CRAT: variants seen among roughly 807,000 people sequenced by gnomAD.
CRAT encodes carnitine O-acetyltransferase.
CRAT carries 66 observed loss-of-function variants against 73.7 expected under a neutral mutation model. The observed-to-expected ratio is 0.90, with a 90% CI of 0.73 to 1.10. CRAT has a LOEUF of 1.10. CRAT is among the 50% of genes least tolerant of loss of function. CRAT has a pLI of 0.00. For missense variants in CRAT, 745 were observed against 846.9 expected (o/e 0.88, Z 1.49); for synonymous variants, 321 against 343.2 (o/e 0.94, Z 0.71).
chr9:129,098,236 C>T lies in CRAT; in HGVS notation c.1328+13G>A, dbSNP rs1847416030. The T allele has an allele frequency of 1.2e-6, 2 of 1,613,512 alleles. No individual in the cohort carries two copies. The highest frequency in any genetic ancestry group is 2.7e-5 in the African/African-American group (2 of 75,068). ...TCTCCTCCCTCCTCCATGGGTGGGC[C>T]ACAGAGGCGCACCTGTAGTAGGCCA... On this transcript the variant is annotated intron_variant, in intron 10 of 13. Transcript: ENST00000318080.
chr9:129,096,720 G>C (rs1198685398), intron 12 of CRAT, among the ~76,000 whole-genome samples: 1 of 152,204 alleles, frequency 6.6e-6, no homozygotes, highest in Non-Finnish European at 1.5e-5. Flanking sequence ...GGCCAGCCCT[G>C]GAACCTGGAA....
chr9:129,103,097 C>G lies in CRAT; in HGVS notation c.411-31G>C. 5 of 1,604,312 alleles carry G rather than the reference C, an allele frequency of 3.1e-6. No homozygotes were observed. The highest frequency in any genetic ancestry group is 4.3e-6 in the Non-Finnish European group (5 of 1,171,106). On this transcript the variant is annotated intron_variant, in intron 3 of 13. Transcript: ENST00000318080. The surrounding 1 kb of genome is among the most constrained non-coding windows in gnomAD (Gnocchi z 4.6). Reference sequence around the variant, plus strand: ...AAGATTGATTAGAGATTAGAAGCTGCGTGGACACCCTGAGGGAGGCCCCGG... The same window carrying G: ...AAGATTGATTAGAGATTAGAAGCTGGGTGGACACCCTGAGGGAGGCCCCGG...
Position 129,103,210 on chromosome 9 carries a change from C to T in CRAT, c.411-144G>A. 1.4e-6 allele frequency: 1 copy of T among 728,040 alleles called. No individual in the cohort carries two copies. Among genetic ancestry groups the T allele is most frequent in the Non-Finnish European group, 2.5e-6 (1 of 401,924 alleles). The allele number at this position is 728,040 out of a possible 1,614,324, so 45.1% of individuals were successfully genotyped here. ...AAAGCCTGGGAGCGCAAGGGAGGGG[C>T]CTGCGAGTCCCAGCTTGCCAGCCTG... On this transcript the variant is annotated intron_variant, in intron 3 of 13. Coordinates refer to ENST00000318080, the MANE Select transcript of CRAT (RefSeq NM_000755.5). This position sits in a 1 kb window ranked among gnomAD's most constrained non-coding sequence, Gnocchi z 4.6.
intron 2 of CRAT, among the ~76,000 whole-genome samples, chr9:129,104,850 C>A (rs1847911877): frequency 6.7e-6 from 1 of 149,112 alleles, no homozygotes; most frequent in Non-Finnish European, 1.5e-5. Context: ...ATGATCCGCC[C>A]GCCTTGGCCT....
rs750204809 is a variant in CRAT, at chr9:129,096,016, G to T, written c.1647C>A (p.Phe549Leu). ...MDTSYAIAMHFHLSTSQVPAK... is the reference protein window; with the variant it reads ...MDTSYAIAMHLHLSTSQVPAK... Reference sequence around the variant, plus strand: ...GGCCCACCTGGCTGGTGGAGAGGTGGAAGTGCATGGCGATGGCGTAGGAGG... The same window carrying T: ...GGCCCACCTGGCTGGTGGAGAGGTGTAAGTGCATGGCGATGGCGTAGGAGG... Residue 549 changes from phenylalanine to leucine, a missense_variant, in exon 13 of 14, where the codon TTC becomes TTA. Coordinates refer to ENST00000318080, the MANE Select transcript of CRAT (RefSeq NM_000755.5). The T allele has an allele frequency of 1.1e-5, 17 of 1,613,888 alleles. No homozygotes were observed. The highest frequency in any genetic ancestry group is 1.2e-5 in the Non-Finnish European group (14 of 1,180,028).
chr9:129,100,031 A>G, intron 7 of CRAT, 65 bp from the exon 8 acceptor site: 2 of 1,357,610 alleles, frequency 1.5e-6, no homozygotes, highest in Non-Finnish European at 2.1e-6. Context: ...TCACCCAACC[A>G]CTCTTTGGTT....
At chr9:129,102,948 A>G (rs1847779537) in intron 4 of CRAT, 65 bp downstream of exon 4, 2 of 1,430,392 alleles carry the variant, frequency 1.4e-6, no homozygotes, top group Non-Finnish European at 2.0e-6. Context: ...CTGGGGTCAG[A>G]GGTGGCTGTG....
At position 129,104,227 on chromosome 9, in the gene CRAT, A is replaced by G. The variant is rs750341456; in HGVS notation, c.371T>C (p.Leu124Pro). The G allele has an allele frequency of 6.2e-7, 1 of 1,612,610 alleles. No homozygotes were observed. The highest frequency in any genetic ancestry group is 2.2e-5 in the East Asian group (1 of 44,814). Reference sequence around the variant, plus strand: ...CAGGTCCACGAAGTCCTGCTTGGGTAGCATCACGCCTGGGCTCGAGTAGAT... The same window carrying G: ...CAGGTCCACGAAGTCCTGCTTGGGTGGCATCACGCCTGGGCTCGAGTAGAT... ...VVIYSSPGVM[L>P]PKQDFVDLQG... is the part of the protein sequence containing the mutation. Residue 124 changes from leucine to proline, a missense_variant, in exon 3 of 14, where the codon CTA becomes CCA. By Grantham distance (98) the Leu-to-Pro change is moderately conservative. Transcript: ENST00000318080.
intron 1 of CRAT, chr9:129,108,457 C>T (rs941805806): frequency 2.0e-5 from 24 of 1,171,306 alleles, no homozygotes; most frequent in Non-Finnish European, 2.4e-5. Context: ...TCTTGGAGGT[C>T]CCCACGTCCT....
At position 129,106,980 on chromosome 9, in the gene CRAT, T is replaced by C. The variant is rs1266014219; in HGVS notation, c.291+834A>G. Among the ~76,000 whole-genome samples the C allele has an allele frequency of 1.3e-5, 2 of 151,710 alleles. No individual in the cohort carries two copies. The highest frequency in any genetic ancestry group is 1.9e-4 in the East Asian group (1 of 5,166). On this transcript the variant is annotated intron_variant, in intron 2 of 13. Transcript: ENST00000318080. The surrounding 1 kb of genome is among the most constrained non-coding windows in gnomAD (Gnocchi z 4.0). ...CTGCCACAGCTCCTTGGGGGTGATG[T>C]CACCCCTCCCCCTCGCCTCTGGCTT...
intron 1 of CRAT, chr9:129,108,770 C>G (rs758766968): frequency 1.5e-6 from 2 of 1,304,132 alleles, no homozygotes; most frequent in African/African-American, 3.0e-5. Context: ...TACCTTCTCT[C>G]TCTGCTGCCC....
In CRAT at chr9:129,106,017, C is replaced by G. The variant is rs542127673; in HGVS notation, c.292-1711G>C. Among the ~76,000 whole-genome samples the G allele has an allele frequency of 6.6e-6, 1 of 152,166 alleles. No individual in the cohort carries two copies. The highest frequency in any genetic ancestry group is 1.5e-5 in the Non-Finnish European group (1 of 68,024). On this transcript the variant is annotated intron_variant, in intron 2 of 13. Coordinates refer to ENST00000318080, the MANE Select transcript of CRAT (RefSeq NM_000755.5). This position sits in a 1 kb window ranked among gnomAD's most constrained non-coding sequence, Gnocchi z 4.0. ...TACAGCTTTCTCTGGCCTTCCACCCCCAGAGACCTGGGCCCACCTGCGCCC... is the reference window on the plus strand; with the variant it reads ...TACAGCTTTCTCTGGCCTTCCACCCGCAGAGACCTGGGCCCACCTGCGCCC...
At chr9:129,102,937 G>T in intron 4 of CRAT, 76 bp downstream of exon 4, 1 of 1,368,810 alleles carries the variant, frequency 7.3e-7, no homozygotes, top group Non-Finnish European at 1.0e-6. Context: ...CCGGGCCAGG[G>T]CTGGGGTCAG....
chr9:129,107,996 G>A lies in CRAT; in HGVS notation c.109C>T (p.Arg37Trp), dbSNP rs560724931. 1.4e-5 allele frequency: 23 copies of A among 1,594,642 alleles called. No homozygotes were observed. The East Asian group carries it at 3.6e-4, about 25-fold the overall frequency. The change falls in exon 2 of 14, where the codon CGG becomes TGG. Residue 37 changes from arginine (R) to tryptophan (W), a missense_variant. Coordinates refer to ENST00000318080, the MANE Select transcript of CRAT (RefSeq NM_000755.5). The surrounding 1 kb of genome is among the most constrained non-coding windows in gnomAD (Gnocchi z 5.0). The part of the protein sequence containing the change: ...RFKAHQDALP[R>W]LPVPPLQQSL... ...TGCTGGAGAGGGGGCACGGGCAGCC[G>A]TGGCAGTGCATCCTGGTGTGCCTTG...
At chr9:129,102,825 C>T (rs1380495250) in intron 4 of CRAT, among the ~76,000 whole-genome samples, 188 bp downstream of exon 4, 3 of 152,074 alleles carry the variant, frequency 2.0e-5, no homozygotes, top group East Asian at 3.9e-4. Context: ...GATGAAGCAG[C>T]GAATAAAACT....
chr9:129,104,904 T>G (rs1184274683), intron 2 of CRAT, among the ~76,000 whole-genome samples: 1 of 23,650 alleles, frequency 4.2e-5, no homozygotes, highest in Non-Finnish European at 1.9e-4. Context: ...GTGCCCGGTC[T>G]TTTTTTTTTT....
At position 129,106,153 on chromosome 9, in the gene CRAT, G is replaced by A. The variant is rs2131486984; in HGVS notation, c.291+1661C>T. Among the ~76,000 whole-genome samples, 1 of 152,234 alleles carries A rather than the reference G, an allele frequency of 6.6e-6. No individual in the cohort carries two copies. Among genetic ancestry groups the A allele is most frequent in the East Asian group, 1.9e-4 (1 of 5,170 alleles). ...GGGTGAGGGGGAGGCAACTTGGCAA[G>A]GGGTGAGGGGGAGGCAACTTGTCCC... is the stretch of plus-strand genomic sequence containing the variant. On this transcript the variant is annotated intron_variant, in intron 2 of 13. Coordinates refer to ENST00000318080, the MANE Select transcript of CRAT (RefSeq NM_000755.5). The surrounding 1 kb of genome is among the most constrained non-coding windows in gnomAD (Gnocchi z 4.0).
chr9:129,095,952 G>A, intron 13 of CRAT, 46 bp downstream of exon 13: 1 of 1,611,948 alleles, frequency 6.2e-7, no homozygotes, highest in Non-Finnish European at 8.5e-7. Flanking sequence ...AACTACCAGT[G>A]GGTTCTCTGC....
chr9:129,104,452 C>T, intron 2 of CRAT, 146 bp from the exon 3 acceptor site: 1 of 622,432 alleles, frequency 1.6e-6, no homozygotes, highest in East Asian at 2.8e-5. Context: ...AGAACCCACC[C>T]TCCCTGCCCC....
Sources: allele counts gnomAD v4.1 joint callset (sites outside exome capture counted in the v4.1 genomes callset), GRCh38; gene constraint gnomAD v4.1.1; non-coding constraint Gnocchi (gnomAD v3.1); transcripts MANE v1.5; gene names NCBI Gene and HGNC (gene_info 2026-07-23, HGNC 2026-07-21).